The following EIPR1 variants were observed in gnomAD, a reference collection of about 807,000 sequenced individuals.
EIPR1 encodes EARP complex and GARP complex interacting protein 1, also known as EARP and GARP complex-interacting protein 1.
A neutral mutation model predicts 48.1 loss-of-function variants in EIPR1; 25 were observed. The ratio of observed to expected loss-of-function variants is 0.52; its 90% CI spans 0.38 to 0.73. EIPR1 has a LOEUF of 0.73. Among genes scored for constraint, EIPR1 ranks in the 30% least tolerant of loss-of-function variants. EIPR1 has a pLI of 0.00. For synonymous variants in EIPR1, 204 were observed against 201.9 expected, an observed-to-expected ratio of 1.01 and a Z score of -0.09; for missense variants, 415 against 506.2, an observed-to-expected ratio of 0.82 and a Z score of 1.73.
At chr2:3,295,282 T>C in intron 3 of EIPR1, among the ~76,000 whole-genome samples, 1 of 88,110 alleles carries the variant, frequency 1.1e-5, no homozygotes, top group Non-Finnish European at 2.2e-5. Context: ...ACACCCTCCA[T>C]CCAGCCCGTC....
intron 3 of EIPR1, among the ~76,000 whole-genome samples, chr2:3,287,998 T>C (rs1668258931): frequency 6.6e-6 from 1 of 152,216 alleles, no homozygotes; most frequent in African/African-American, 2.4e-5. Flanking sequence ...CCATGAGAGC[T>C]CCTCGTGGCC....
intron 2 of EIPR1, among the ~76,000 whole-genome samples, chr2:3,338,378 C>A (rs186637556): frequency 6.6e-6 from 1 of 152,182 alleles, no homozygotes; most frequent in Admixed American, 6.5e-5. Flanking sequence ...TTGCAAGCTA[C>A]GTAAGACTGC....
rs575457941 is a variant in EIPR1, at chr2:3,306,825, C to T, written c.259+31192G>A. ...AGAAGAAAATCCATGCGTAAGTGGA[C>T]CCCCCCAGTCCAAACCCATGTTGTT... On this transcript the variant is annotated intron_variant, in intron 3 of 8. Transcript: ENST00000382125. Among the ~76,000 whole-genome samples, 74 of 151,794 alleles carry T rather than the reference C, an allele frequency of 4.9e-4. 1 individual carries two copies. The highest frequency in any genetic ancestry group is 8.3e-4 in the Non-Finnish European group (56 of 67,838).
At chr2:3,192,347 C>G in intron 8 of EIPR1, 67 bp downstream of exon 8, 1 of 1,485,124 alleles carries the variant, frequency 6.7e-7, no homozygotes, top group South Asian at 1.4e-5. Context: ...CAGCCTGGCT[C>G]GGGAGATGGC....
intron 4 of EIPR1, among the ~76,000 whole-genome samples, chr2:3,240,591 TAAAGAAAAGC>T: frequency 6.8e-6 from 1 of 147,368 alleles, no homozygotes; most frequent in Non-Finnish European, 1.5e-5. Context: ...AGACCCTTCC[TAAAGAAAAGC>T]CAGCAGATCC....
intron 3 of EIPR1, among the ~76,000 whole-genome samples, chr2:3,260,291 G>A (rs1029365657): frequency 1.3e-4 from 20 of 152,160 alleles, no homozygotes; most frequent in African/African-American, 4.8e-4. Context: ...AGGAGTTTGA[G>A]AGCAGCCTGG....
intron 5 of EIPR1, among the ~76,000 whole-genome samples, chr2:3,213,711 C>A (rs75022627): frequency 6.6e-6 from 1 of 152,186 alleles, no homozygotes; most frequent in Admixed American, 6.5e-5. Flanking sequence ...GACATCTGAA[C>A]GGCTTTCACC....
chr2:3,223,645 A>G (rs1485116234), intron 4 of EIPR1, among the ~76,000 whole-genome samples: 1 of 152,192 alleles, frequency 6.6e-6, no homozygotes, highest in Non-Finnish European at 1.5e-5. Context: ...CCCCACTAAA[A>G]AAGAGGCTTT....
intron 3 of EIPR1, chr2:3,301,501 C>T (rs1483879682): frequency 6.6e-6 from 1 of 152,200 alleles, no homozygotes; most frequent in Non-Finnish European, 1.5e-5. Context: ...GTCTCCCAGG[C>T]CAGGTCACTA....
At chr2:3,310,704 T>C (rs931463786) in intron 3 of EIPR1, among the ~76,000 whole-genome samples, 16 of 148,894 alleles carry the variant, frequency 1.1e-4, no homozygotes, top group African/African-American at 3.5e-4. Flanking sequence ...TAAAAACTTA[T>C]CTAAACTTTG....
intron 5 of EIPR1, among the ~76,000 whole-genome samples, chr2:3,211,128 T>C (rs939852061): frequency 1.3e-5 from 2 of 152,052 alleles, no homozygotes; most frequent in Non-Finnish European, 1.5e-5. Context: ...AAACGAAAGT[T>C]TAAAAATAAG....
intron 3 of EIPR1, chr2:3,300,931 G>T (rs994619848): frequency 6.6e-6 from 1 of 152,100 alleles, no homozygotes. Flanking sequence ...TTGTTTTTCA[G>T]GGTACAGTTC....
chr2:3,308,187 G>C (rs1669010287), intron 3 of EIPR1, among the ~76,000 whole-genome samples: 2 of 152,164 alleles, frequency 1.3e-5, no homozygotes, highest in Non-Finnish European at 2.9e-5. Context: ...CCAGGACCCA[G>C]TCCCCAAACC....
rs1659931054 is a variant in EIPR1, at chr2:3,377,492, A to G, written c.42+156T>C. Reference sequence around the variant, plus strand: ...ATCCAGTACAACCGTTTAACCTCCTAAAGCCTCAGTTTACTTCTCTGCAAA... The same window carrying G: ...ATCCAGTACAACCGTTTAACCTCCTGAAGCCTCAGTTTACTTCTCTGCAAA... On this transcript the variant is annotated intron_variant, in intron 1 of 8. Transcript: ENST00000382125. 14 of 971,388 alleles carry G rather than the reference A, an allele frequency of 1.4e-5. No individual in the cohort carries two copies. In the South Asian group the frequency reaches 2.4e-4, roughly 16 times the overall value. 60.2% of individuals were successfully genotyped at this position (971,388 alleles called of 1,614,324 possible).
chr2:3,189,451 G>A lies in EIPR1; in HGVS notation c.1047C>T (p.Ser349=), dbSNP rs760728972. 12 of 1,583,790 alleles carry A rather than the reference G, an allele frequency of 7.6e-6. No homozygotes were observed. The highest frequency in any genetic ancestry group is 1.3e-5 in the African/African-American group (1 of 74,764). Residue 349 remains serine (S), a synonymous_variant, in exon 9 of 9, where the codon AGC becomes AGT. Transcript: ENST00000382125. The surrounding 1 kb of genome is among the most constrained non-coding windows in gnomAD (Gnocchi z 4.6). ...CCGAGGACCAGTCCACGGCATAGACGCTGTCCTCGTGCTCCTCGTAGGTGG... is the reference window on the plus strand; with the variant it reads ...CCGAGGACCAGTCCACGGCATAGACACTGTCCTCGTGCTCCTCGTAGGTGG... The part of the protein sequence containing the change: ...VIATYEEHED[S]VYAVDWSSAD...
At chr2:3,345,503 T>C (rs1407266811) in intron 2 of EIPR1, among the ~76,000 whole-genome samples, 1 of 151,998 alleles carries the variant, frequency 6.6e-6, no homozygotes, top group Non-Finnish European at 1.5e-5. Flanking sequence ...TGCACGCCTG[T>C]GATCCCCGCT....
chr2:3,335,495 G>T (rs1558305975), intron 3 of EIPR1, among the ~76,000 whole-genome samples: 2 of 152,164 alleles, frequency 1.3e-5, no homozygotes, highest in Non-Finnish European at 2.9e-5. Flanking sequence ...CAGGGCAAGG[G>T]TGGAGGAGAG....
chr2:3,329,167 G>T (rs1669804757), intron 3 of EIPR1, among the ~76,000 whole-genome samples: 2 of 140,092 alleles, frequency 1.4e-5, no homozygotes, highest in South Asian at 4.7e-4. Flanking sequence ...CACCCACCAG[G>T]CTCTAATGAT....
intron 3 of EIPR1, among the ~76,000 whole-genome samples, chr2:3,327,860 T>C (rs1213203676): frequency 7.1e-6 from 1 of 140,628 alleles, no homozygotes; most frequent in Non-Finnish European, 1.5e-5. Flanking sequence ...AACTATCCTG[T>C]ATTTTTTTTT....
Sources: allele counts gnomAD v4.1 joint callset (sites outside exome capture counted in the v4.1 genomes callset), GRCh38; gene constraint gnomAD v4.1.1; non-coding constraint Gnocchi (gnomAD v3.1); transcripts MANE v1.5; gene names NCBI Gene and HGNC (gene_info 2026-07-23, HGNC 2026-07-21).